HDAC9: variants seen among roughly 807,000 people sequenced by gnomAD.
The protein encoded by HDAC9 is MEF-2 interacting transcription repressor (MITR) protein.
Under a neutral mutation model 139.4 loss-of-function variants are expected in HDAC9, and 41 were observed. The observed-to-expected ratio is 0.29, with a 90% CI of 0.23 to 0.38. The LOEUF (loss-of-function observed/expected upper bound fraction) is 0.38, where lower values mean the gene tolerates loss of function less well. HDAC9 is among the 10% of genes least tolerant of loss of function. The pLI is 1.00. For missense variants in HDAC9, 1,147 were observed against 1,297.0 expected (o/e 0.88, Z 1.78); for synonymous variants, 517 against 476.2 (o/e 1.09, Z -1.12).
chr7:18,962,700 T>TA (rs1405475969), intron 24 of HDAC9, among the ~76,000 whole-genome samples: 3 of 152,200 alleles, frequency 2.0e-5, no homozygotes, highest in Non-Finnish European at 4.4e-5. Flanking sequence ...ATCTCACACA[T>TA]ACACATGATA....
intron 1 of HDAC9, among the ~76,000 whole-genome samples, chr7:18,128,059 G>A (rs1202863221): frequency 2.0e-5 from 3 of 151,942 alleles, no homozygotes; most frequent in South Asian, 2.1e-4. Flanking sequence ...GAAAAGTTAC[G>A]GTTCTCAGTA....
Position 18,384,332 on chromosome 7 carries a change from A to G in HDAC9, c.-42+93817A>G, listed in dbSNP as rs531606314. Reference sequence around the variant, plus strand: ...CAAGAAAAAAAAAATGCGTACACTCAAAACATATACATATGTACTAGAAGG... The same window carrying G: ...CAAGAAAAAAAAAATGCGTACACTCGAAACATATACATATGTACTAGAAGG... On this transcript the variant is annotated intron_variant, in intron 1 of 3. Coordinates refer to the HDAC9 transcript ENST00000413509. 2.0e-5 allele frequency among the ~76,000 whole-genome samples: 3 copies of G among 152,158 alleles called. No homozygotes were observed. The East Asian group carries it at 5.8e-4, about 29-fold the overall frequency.
chr7:18,211,289 T>C (rs533488393), intron 2 of HDAC9, among the ~76,000 whole-genome samples: 3 of 152,176 alleles, frequency 2.0e-5, no homozygotes, highest in African/African-American at 7.2e-5. Flanking sequence ...ACATGACAAA[T>C]CTGAGCTTAA....
chr7:18,219,703 G>A lies in HDAC9; in HGVS notation c.25+57354G>A, dbSNP rs564707871. Among the ~76,000 whole-genome samples the A allele has an allele frequency of 5.3e-5, 8 of 152,154 alleles. No individual in the cohort carries two copies. In the South Asian group the frequency reaches 1.5e-3, roughly 28 times the overall value. ...TCATATAACTGATGTTCTCTGTGTTGTACAAAAAAGAAAATAAATAATAGC... is the reference window on the plus strand; with the variant it reads ...TCATATAACTGATGTTCTCTGTGTTATACAAAAAAGAAAATAAATAATAGC... On this transcript the variant is annotated intron_variant, in intron 2 of 12. Transcript: ENST00000417496.
intron 22 of HDAC9, among the ~76,000 whole-genome samples, chr7:18,919,343 A>G (rs1222270744): frequency 6.6e-6 from 1 of 152,178 alleles, no homozygotes; most frequent in South Asian, 2.1e-4. Flanking sequence ...ATGTGAGTAA[A>G]TAGTTTCCTT....
At chr7:18,413,989 T>C (rs1227722070) in intron 1 of HDAC9, among the ~76,000 whole-genome samples, 1 of 152,102 alleles carries the variant, frequency 6.6e-6, no homozygotes, top group East Asian at 1.9e-4. Context: ...CCCTTCAGAC[T>C]CAGACCACAC....
intron 17 of HDAC9, among the ~76,000 whole-genome samples, chr7:18,817,686 C>T (rs769570716): frequency 3.9e-5 from 6 of 152,106 alleles, no homozygotes; most frequent in Non-Finnish European, 8.8e-5. Flanking sequence ...GAGACGTGTA[C>T]ACATGGCAAG....
intron 15 of HDAC9, among the ~76,000 whole-genome samples, chr7:18,764,854 G>A (rs1789689529): frequency 6.6e-6 from 1 of 152,014 alleles, no homozygotes; most frequent in South Asian, 2.1e-4. Context: ...TAGGAGGAAG[G>A]GTTTAAATAA....
intron 1 of HDAC9, among the ~76,000 whole-genome samples, chr7:18,299,053 A>T (rs982214920): frequency 6.6e-6 from 1 of 152,164 alleles, no homozygotes; most frequent in African/African-American, 2.4e-5. Flanking sequence ...TATTTATATA[A>T]TAAAAATTCA....
chr7:18,277,235 C>T lies in HDAC9; in HGVS notation c.25+114886C>T, dbSNP rs1355338542. ...TTGTGCACTCCAGAAGAAGTAGGAGCGATCGCCTGCGGCACTGAAGAAACA... is the reference window on the plus strand; with the variant it reads ...TTGTGCACTCCAGAAGAAGTAGGAGTGATCGCCTGCGGCACTGAAGAAACA... On this transcript the variant is annotated intron_variant, in intron 2 of 12. Transcript: ENST00000417496. Among the ~76,000 whole-genome samples the T allele has an allele frequency of 5.4e-4, 82 of 152,128 alleles. 1 individual carries two copies. The highest frequency in any genetic ancestry group is 5.2e-3 in the Admixed American group (80 of 15,262).
At chr7:18,125,255 T>C (rs1287444661) in intron 1 of HDAC9, among the ~76,000 whole-genome samples, 1 of 151,906 alleles carries the variant, frequency 6.6e-6, no homozygotes, top group African/African-American at 2.4e-5. Flanking sequence ...CAGGCTGCAG[T>C]GCAAGTGAAG....
chr7:18,590,548 G>C, intron 4 of HDAC9, 62 bp downstream of exon 4: 1 of 1,490,000 alleles, frequency 6.7e-7, no homozygotes, highest in Non-Finnish European at 9.1e-7. Flanking sequence ...TCATTATTCA[G>C]AACAAAGCCT....
chr7:18,576,485 A>C (rs1825971242), intron 2 of HDAC9, among the ~76,000 whole-genome samples: 1 of 151,940 alleles, frequency 6.6e-6, no homozygotes, highest in Non-Finnish European at 1.5e-5. Context: ...AATGTAGTAA[A>C]ACCCCATCTC....
At chr7:18,116,986 G>T (rs1290160324) in intron 1 of HDAC9, among the ~76,000 whole-genome samples, 1 of 152,114 alleles carries the variant, frequency 6.6e-6, no homozygotes, top group African/African-American at 2.4e-5. Flanking sequence ...ATTCTGAATT[G>T]GTCCATTAGC....
chr7:18,926,876 A>G (rs1243953933), intron 22 of HDAC9, among the ~76,000 whole-genome samples: 1 of 152,194 alleles, frequency 6.6e-6, no homozygotes, highest in Non-Finnish European at 1.5e-5. Context: ...AAGGATTTTT[A>G]CTGTGATTGA....
At chr7:18,901,324 G>C (rs776729886) in intron 22 of HDAC9, among the ~76,000 whole-genome samples, 1 of 150,518 alleles carries the variant, frequency 6.6e-6, no homozygotes, top group South Asian at 2.1e-4. Flanking sequence ...TTGACTCTCT[G>C]CTGGGACAGA....
intron 17 of HDAC9, among the ~76,000 whole-genome samples, chr7:18,810,809 T>TTTCAC (rs1172669596): frequency 1.3e-5 from 2 of 151,880 alleles, no homozygotes; most frequent in African/African-American, 4.8e-5. Flanking sequence ...ACTTAAAATG[T>TTTCAC]TTACGTGATA....
At chr7:18,449,143 T>C (rs1412100186) in intron 1 of HDAC9, among the ~76,000 whole-genome samples, 1 of 152,160 alleles carries the variant, frequency 6.6e-6, no homozygotes, top group Non-Finnish European at 1.5e-5. Context: ...TAGAAATGTT[T>C]ACACTAAATG....
At chr7:18,550,986 G>A (rs1012316913) in intron 2 of HDAC9, among the ~76,000 whole-genome samples, 1 of 152,204 alleles carries the variant, frequency 6.6e-6, no homozygotes, top group East Asian at 1.9e-4. Flanking sequence ...ACTCTTAGCT[G>A]TGAAGGTAGA....
Sources: gnomAD v4.1 joint callset for allele counts (sites outside exome capture counted in the v4.1 genomes callset) on GRCh38, gnomAD v4.1.1 for gene constraint, MANE v1.5 for transcripts, NCBI Gene and HGNC (gene_info 2026-07-23, HGNC 2026-07-21) for gene names.